Variants in SMARCA2 observed in about 807,000 individuals in gnomAD.
SMARCA2 encodes the protein SWI/SNF related BAF chromatin remodeling complex subunit ATPase 2.
SMARCA2 carries 61 observed loss-of-function variants against 199.8 expected under a neutral mutation model. The ratio of observed to expected loss-of-function variants is 0.31; its 90% CI spans 0.25 to 0.38. The LOEUF (loss-of-function observed/expected upper bound fraction) is 0.38, where lower values mean the gene tolerates loss of function less well. Among genes scored for constraint, SMARCA2 ranks in the 10% least tolerant of loss-of-function variants. SMARCA2 has a pLI of 1.00. For missense variants in SMARCA2, 1,344 were observed against 2,012.2 expected (o/e 0.67, Z 6.35); for synonymous variants, 935 against 732.0 (o/e 1.28, Z -4.48).
intron 1 of SMARCA2, among the ~76,000 whole-genome samples, chr9:2,025,087 A>AGGAC (rs61051578): frequency 4.6e-5 from 7 of 151,686 alleles, no homozygotes; most frequent in African/African-American, 1.7e-4. Flanking sequence ...CTAAGGGCAG[A>AGGAC]GGAGATTTGG....
At chr9:2,059,321 G>C (rs1227510743) in intron 8 of SMARCA2, among the ~76,000 whole-genome samples, 1 of 152,156 alleles carries the variant, frequency 6.6e-6, no homozygotes, top group African/African-American at 2.4e-5. Flanking sequence ...TGGTATTACA[G>C]TTTGCATTTT....
chr9:2,028,788 T>TG (rs1322622831), intron 1 of SMARCA2, among the ~76,000 whole-genome samples, 199 bp from the exon 2 acceptor site: 1 of 152,066 alleles, frequency 6.6e-6, no homozygotes, highest in Non-Finnish European at 1.5e-5. Flanking sequence ...AGTGTGTGTG[T>TG]TTTTTTTAAA....
Position 2,073,149 on chromosome 9 carries a change from C to T in SMARCA2, c.1747-63C>T. On this transcript the variant is annotated intron_variant, in intron 10 of 33. Coordinates refer to ENST00000349721, the MANE Select transcript of SMARCA2 (RefSeq NM_003070.5). ...GGCAGCAAAAACTGCTGAGAAACGT[C>T]CAGTACAGGACTGGGGGAAGGTCTT... 7.6e-6 allele frequency: 12 copies of T among 1,582,548 alleles called. No homozygotes were observed. In the South Asian group the frequency reaches 9.3e-5, roughly 12 times the overall value.
At chr9:2,062,102 G>C (rs143228291) in intron 9 of SMARCA2, among the ~76,000 whole-genome samples, 3 of 152,166 alleles carry the variant, frequency 2.0e-5, no homozygotes, top group Non-Finnish European at 4.4e-5. Context: ...TATACGTAAG[G>C]GGGGAGGGAA....
chr9:2,155,277 C>A (rs1386590913), intron 27 of SMARCA2, among the ~76,000 whole-genome samples: 2 of 151,936 alleles, frequency 1.3e-5, no homozygotes, highest in Admixed American at 6.6e-5. Flanking sequence ...TTTTTAAACT[C>A]ATTTTTCTTT....
At chr9:2,173,129 G>A (rs146006918) in intron 29 of SMARCA2, among the ~76,000 whole-genome samples, 58 of 152,280 alleles carry the variant, frequency 3.8e-4, no homozygotes, top group African/African-American at 1.1e-3. Flanking sequence ...AGTGAACAGC[G>A]GTGCCATTTA....
intron 31 of SMARCA2, among the ~76,000 whole-genome samples, chr9:2,183,427 C>T (rs1827199952): frequency 6.6e-6 from 1 of 152,192 alleles, no homozygotes; most frequent in African/African-American, 2.4e-5. Context: ...AGGGCACTTT[C>T]ATTTTAATTA....
rs540499083 is a variant in SMARCA2, at chr9:2,077,266, T to A, written c.2037-363T>A. Among the ~76,000 whole-genome samples the A allele has an allele frequency of 4.6e-5, 7 of 152,336 alleles. No individual in the cohort carries two copies. In the East Asian group the frequency reaches 1.4e-3, roughly 29 times the overall value. On this transcript the variant is annotated intron_variant, in intron 13 of 33. Coordinates refer to ENST00000349721, the MANE Select transcript of SMARCA2 (RefSeq NM_003070.5). ...TTTGTATTTAACAGTCTAGGACAGC[T>A]TCATCGGCAAAGTATTCATCTGCAG...
rs79998434 is a variant in SMARCA2, at chr9:2,079,651, C to G, written c.2184+1875C>G. ...CCCCTGGAACACATTCTGAGGACCA[C>G]TGCTCTGGCCTTAGTAAGATCATGT... On this transcript the variant is annotated intron_variant, in intron 14 of 33. Coordinates refer to ENST00000349721, the MANE Select transcript of SMARCA2 (RefSeq NM_003070.5). Among the ~76,000 whole-genome samples the G allele has an allele frequency of 6.0e-3, 917 of 152,342 alleles. 14 individuals are homozygous for G. The highest frequency in any genetic ancestry group is 0.021 in the African/African-American group (865 of 41,578).
intron 27 of SMARCA2, among the ~76,000 whole-genome samples, chr9:2,143,944 T>G (rs1218103564): frequency 6.6e-6 from 1 of 152,100 alleles, no homozygotes; most frequent in Non-Finnish European, 1.5e-5. Flanking sequence ...CAAAGGCAGA[T>G]TAATAGGAGA....
chr9:2,132,628 C>T (rs546735224), intron 27 of SMARCA2, among the ~76,000 whole-genome samples: 5 of 152,186 alleles, frequency 3.3e-5, no homozygotes, highest in African/African-American at 1.2e-4. Flanking sequence ...AAAATTGGGT[C>T]ATCAGATTTA....
chr9:2,149,624 T>A (rs1001979738), intron 27 of SMARCA2, among the ~76,000 whole-genome samples: 2 of 151,568 alleles, frequency 1.3e-5, no homozygotes, highest in Non-Finnish European at 3.0e-5. Flanking sequence ...ATGATTCAAA[T>A]TATCTCCCAC....
At chr9:2,064,454 C>T (rs146390626) in intron 9 of SMARCA2, among the ~76,000 whole-genome samples, 6 of 152,312 alleles carry the variant, frequency 3.9e-5, no homozygotes, top group Middle Eastern at 3.4e-3. Context: ...GCTCAGTAAA[C>T]ATTATTTCAT....
rs1235908856 is a variant in SMARCA2 at position 2,086,166 on chromosome 9, T to A, written c.2527-663T>A. ...GGTCCTAGATCTGGCAGGTAAGGAA[T>A]GTGCGTGTATTGAGGGAGCTTCGTT... On this transcript the variant is annotated intron_variant, in intron 17 of 33. Transcript: ENST00000349721. The surrounding 1 kb of genome is among the most constrained non-coding windows in gnomAD (Gnocchi z 4.3). 2 of 152,590 alleles carry A rather than the reference T, an allele frequency of 1.3e-5. No individual in the cohort carries two copies. The highest frequency in any genetic ancestry group is 2.4e-5 in the African/African-American group (1 of 41,462). 9.5% of individuals were successfully genotyped at this position (152,590 alleles called of 1,614,324 possible).
rs1222730617 is a variant in SMARCA2 at position 2,087,022 on chromosome 9, G to A, written c.2720G>A (p.Ser907Asn). ...CTCCCAACAATTTTTAAGAGCTGCAGCACATTTGAACAATGGTTCAATGCT... is the reference window on the plus strand; with the variant it reads ...CTCCCAACAATTTTTAAGAGCTGCAACACATTTGAACAATGGTTCAATGCT... ...FLLPTIFKSC[S>N]TFEQWFNAPF... Residue 907 changes from serine (S) to asparagine (N), a missense_variant, in exon 18 of 34, where the codon AGC becomes AAC. Transcript: ENST00000349721. The A allele has an allele frequency of 6.2e-7, 1 of 1,614,160 alleles. No individual in the cohort carries two copies. The highest frequency in any genetic ancestry group is 1.1e-5 in the South Asian group (1 of 91,084).
intron 33 of SMARCA2, 23 bp from the exon 34 acceptor site, chr9:2,192,676 CATTTT>C (rs1554646787): frequency 6.5e-7 from 1 of 1,537,310 alleles, no homozygotes; most frequent in Non-Finnish European, 9.0e-7. Flanking sequence ...GATGTTACTT[CATTTT>C]ATCTTCTTAT....
At chr9:2,069,831 A>G (rs1467942653) in intron 9 of SMARCA2, among the ~76,000 whole-genome samples, 2 of 152,224 alleles carry the variant, frequency 1.3e-5, no homozygotes, top group African/African-American at 4.8e-5. Flanking sequence ...CAAGTTTATT[A>G]CCTGGGTATA....
At chr9:2,188,002 T>TAG (rs1199654925) in intron 32 of SMARCA2, among the ~76,000 whole-genome samples, 1 of 152,156 alleles carries the variant, frequency 6.6e-6, no homozygotes, top group Admixed American at 6.5e-5. Flanking sequence ...TACATGTATG[T>TAG]AGAGATATAG....
At chr9:2,152,866 T>A (rs1825148846) in intron 27 of SMARCA2, among the ~76,000 whole-genome samples, 1 of 151,658 alleles carries the variant, frequency 6.6e-6, no homozygotes, top group Non-Finnish European at 1.5e-5. Context: ...AAAATAAAAA[T>A]AAAAGAATTT....
Sources: allele counts gnomAD v4.1 joint callset (sites outside exome capture counted in the v4.1 genomes callset), GRCh38; gene constraint gnomAD v4.1.1; non-coding constraint Gnocchi (gnomAD v3.1); transcripts MANE v1.5; gene names NCBI Gene and HGNC (gene_info 2026-07-23, HGNC 2026-07-21).